The following PM20D2 variants were observed in gnomAD, a reference collection of about 807,000 sequenced individuals.
PM20D2 encodes the protein xaa-Arg dipeptidase.
A neutral mutation model predicts 42.9 loss-of-function variants in PM20D2; 33 were observed. The observed-to-expected ratio is 0.77, with a 90% CI of 0.58 to 1.03. The LOEUF is 1.03. PM20D2 is among the 50% of genes least tolerant of loss of function. The pLI is 0.00. For synonymous variants in PM20D2, 250 were observed against 228.2 expected (o/e 1.10, Z -0.86); for missense variants, 548 against 557.0 (o/e 0.98, Z 0.16).
At position 89,146,312 on chromosome 6, in the gene PM20D2, C is replaced by T. The variant is rs1480642645; in HGVS notation, c.168C>T (p.His56=). 5.7e-6 allele frequency: 9 copies of T among 1,580,058 alleles called. No individual in the cohort carries two copies. The highest frequency in any genetic ancestry group is 2.3e-5 in the East Asian group (1 of 43,992). Residue 56 remains histidine (H), a synonymous_variant, in exon 1 of 7, where the codon CAC becomes CAT. Coordinates refer to ENST00000275072, the MANE Select transcript of PM20D2 (RefSeq NM_001010853.3). ...WSQPELAYEE[H]HAHRVLTHFF... ...AGCCCGAGCTGGCCTACGAGGAGCA[C>T]CATGCCCACCGCGTGCTGACGCACT...
chr6:89,099,887 G>A, the PM20D2 span, among the ~76,000 whole-genome samples: 11 of 152,224 alleles, frequency 7.2e-5, no homozygotes, highest in South Asian at 2.3e-3. Context: ...ACTGTTCGAA[G>A]GCACTGGAGG....
At chr6:89,112,572 C>A in the PM20D2 span, among the ~76,000 whole-genome samples, 2 of 148,770 alleles carry the variant, frequency 1.3e-5, no homozygotes, top group Admixed American at 1.3e-4. Flanking sequence ...ATCACCATGC[C>A]CGGCTAACTT....
chr6:89,102,821 G>A, the PM20D2 span, among the ~76,000 whole-genome samples: 1 of 152,096 alleles, frequency 6.6e-6, no homozygotes, highest in South Asian at 2.1e-4. Context: ...GTGCAATCAT[G>A]GCTCACTGCA....
At chr6:89,156,823 T>C (rs558804374) in intron 4 of PM20D2, among the ~76,000 whole-genome samples, 1 of 152,200 alleles carries the variant, frequency 6.6e-6, no homozygotes, top group Non-Finnish European at 1.5e-5. Context: ...AGTTAATCGA[T>C]AAACATATGG....
At chr6:89,111,933 G>C in the PM20D2 span, among the ~76,000 whole-genome samples, 122 of 152,224 alleles carry the variant, frequency 8.0e-4, no homozygotes, top group Non-Finnish European at 1.2e-3. Flanking sequence ...ATTCCTTTAT[G>C]CAGTACAAAA....
chr6:89,106,302 G>A, the PM20D2 span, among the ~76,000 whole-genome samples: 5 of 151,946 alleles, frequency 3.3e-5, no homozygotes, highest in Admixed American at 6.6e-5. Context: ...TAGTAGACAC[G>A]GGGTTTCACC....
rs1351276648 is a variant in PM20D2, at chr6:89,165,242, C to T, written c.*2979C>T. 3.3e-5 allele frequency: 5 copies of T among 151,496 alleles called. No individual in the cohort carries two copies. Among genetic ancestry groups the T allele is most frequent in the Non-Finnish European group, 7.4e-5 (5 of 67,898 alleles). The allele number at this position is 151,496 out of a possible 1,614,324, so 9.4% of individuals were successfully genotyped here. A position where few individuals can be genotyped will look rare whatever the true frequency, so the allele number is the denominator to read the frequency against. On this transcript the variant is annotated 3_prime_UTR_variant, in exon 7 of 7. Transcript: ENST00000275072. ...ATTTCTAACTTTTTACCTGAGTTATCTCTTTAGTCTTTTGGAAAATACCCT... is the reference window on the plus strand; with the variant it reads ...ATTTCTAACTTTTTACCTGAGTTATTTCTTTAGTCTTTTGGAAAATACCCT...
the PM20D2 span, chr6:89,107,336 A>G: frequency 9.0e-7 from 1 of 1,109,186 alleles, no homozygotes; most frequent in Non-Finnish European, 1.3e-6. Flanking sequence ...TCCACTTGAA[A>G]CCTTCAAAAG....
At chr6:89,094,168 G>A in the PM20D2 span, among the ~76,000 whole-genome samples, 1 of 151,402 alleles carries the variant, frequency 6.6e-6, no homozygotes, top group Non-Finnish European at 1.5e-5. Context: ...CGATCTGCTC[G>A]CCTCAGCCTA....
At chr6:89,102,831 A>G in the PM20D2 span, among the ~76,000 whole-genome samples, 3 of 152,174 alleles carry the variant, frequency 2.0e-5, no homozygotes, top group East Asian at 5.8e-4. Flanking sequence ...GGCTCACTGC[A>G]GCCTTGACCT....
At chr6:89,097,258 G>A in the PM20D2 span, 1 of 152,054 alleles carries the variant, frequency 6.6e-6, no homozygotes, top group Non-Finnish European at 1.5e-5. Context: ...CATAATGTAA[G>A]TCACAAAGTA....
intron 6 of PM20D2, 75 bp from the exon 7 acceptor site, chr6:89,162,034 A>T: frequency 3.1e-5 from 48 of 1,547,384 alleles, no homozygotes; most frequent in Non-Finnish European, 4.2e-5. Context: ...GCCAGTTGAG[A>T]TACGGGTAGC....
the PM20D2 span, among the ~76,000 whole-genome samples, chr6:89,112,045 T>C: frequency 1.3e-5 from 2 of 152,346 alleles, no homozygotes; most frequent in Middle Eastern, 3.4e-3. Flanking sequence ...CCTCACTCTG[T>C]TGCCCAGGCT....
chr6:89,126,003 T>C, the PM20D2 span, among the ~76,000 whole-genome samples: 2,342 of 151,904 alleles, frequency 0.015, 54 homozygotes, highest in African/African-American at 0.052. Flanking sequence ...GGAAAATCAC[T>C]TGAACCTGGG....
chr6:89,116,181 G>A, the PM20D2 span, among the ~76,000 whole-genome samples: 2 of 152,084 alleles, frequency 1.3e-5, no homozygotes, highest in South Asian at 4.2e-4. Context: ...TGCCTTATAG[G>A]CTGGCAGCTT....
chr6:89,149,085 A>G (rs1478511203), intron 1 of PM20D2, among the ~76,000 whole-genome samples, 180 bp from the exon 2 acceptor site: 3 of 152,222 alleles, frequency 2.0e-5, no homozygotes, highest in African/African-American at 7.2e-5. Flanking sequence ...AACAATGTAC[A>G]TTTTGTGATT....
chr6:89,145,453 T>G (rs1240675148), upstream of PM20D2, among the ~76,000 whole-genome samples: 2 of 152,262 alleles, frequency 1.3e-5, no homozygotes, highest in Non-Finnish European at 2.9e-5. Context: ...CATTTCAAAT[T>G]TTTAGTTCTA....
At position 89,164,153 on chromosome 6, in the gene PM20D2, A is replaced by G. The variant is rs967159489; in HGVS notation, c.*1890A>G. On this transcript the variant is annotated 3_prime_UTR_variant, in exon 7 of 7. Transcript: ENST00000275072. ...CTTTTTAATTGCCTCTATAGCACTC[A>G]TAAGAGCTAGGGCATTAGGATAAAC... is the stretch of plus-strand genomic sequence containing the variant. 16 of 152,326 alleles carry G rather than the reference A, an allele frequency of 1.1e-4. No homozygotes were observed. Among genetic ancestry groups the G allele is most frequent in the African/African-American group, 3.8e-4 (16 of 41,576 alleles). The allele number at this position is 152,326 out of a possible 1,614,324, so 9.4% of individuals were successfully genotyped here.
the PM20D2 span, among the ~76,000 whole-genome samples, chr6:89,136,221 G>A: frequency 6.6e-6 from 1 of 150,956 alleles, no homozygotes; most frequent in South Asian, 2.1e-4. Context: ...TTGTTAGATC[G>A]GTGTTCCCAA....
Sources: allele counts gnomAD v4.1 joint callset (sites outside exome capture counted in the v4.1 genomes callset), GRCh38; gene constraint gnomAD v4.1.1; transcripts MANE v1.5; gene names NCBI Gene and HGNC (gene_info 2026-07-23, HGNC 2026-07-21).